GRK5: variants seen among roughly 807,000 people sequenced by gnomAD.
GRK5 encodes the protein G protein-coupled receptor kinase 5.
In GRK5, 40 loss-of-function variants were observed where a neutral mutation model predicts 78.4. The observed-to-expected ratio is 0.51, with a 90% confidence interval of 0.40 to 0.66. GRK5 has a LOEUF of 0.66. GRK5 is among the 30% of genes least tolerant of loss of function. GRK5 has a pLI of 0.00. For synonymous variants in GRK5, 289 were observed against 296.8 expected (o/e 0.97, Z 0.27); for missense variants, 598 against 759.9 (o/e 0.79, Z 2.50).
Position 119,455,000 on chromosome 10 carries a change from C to A in GRK5, c.1706C>A (p.Ser569Tyr). ...AACAATTCCAAGAGTTCGCCCAGCT[C>A]CAAGACCAGTTTTAACCACCACATA... ...HQNNSKSSPS[S>Y]KTSFNHHINS... The change falls in exon 16 of 16, where the codon TCC becomes TAC. Residue 569 changes from serine to tyrosine, a missense_variant. Transcript: ENST00000392870. The A allele has an allele frequency of 6.2e-7, 1 of 1,614,120 alleles. No individual in the cohort carries two copies. The highest frequency in any genetic ancestry group is 8.5e-7 in the Non-Finnish European group (1 of 1,179,968).
At chr10:119,295,238 A>C (rs1850060467) in intron 1 of GRK5, among the ~76,000 whole-genome samples, 1 of 150,356 alleles carries the variant, frequency 6.7e-6, no homozygotes, top group African/African-American at 2.4e-5. Context: ...CCATCAGATC[A>C]CAGGCATCTT....
intron 1 of GRK5, among the ~76,000 whole-genome samples, chr10:119,282,975 C>A (rs571910542): frequency 2.6e-5 from 4 of 152,338 alleles, no homozygotes; most frequent in Non-Finnish European, 4.4e-5. Flanking sequence ...TACTGTGTCA[C>A]TGGGGCCTGG....
chr10:119,451,563 A>C (rs989808975), intron 13 of GRK5, among the ~76,000 whole-genome samples: 1 of 152,202 alleles, frequency 6.6e-6, no homozygotes, highest in Non-Finnish European at 1.5e-5. Context: ...GCTTCCAGCT[A>C]AAAGTCCGCT....
intron 1 of GRK5, among the ~76,000 whole-genome samples, chr10:119,218,074 T>TTGTG (rs59742803): frequency 0.02 from 2,889 of 146,570 alleles, 62 homozygotes; most frequent in African/African-American, 0.058. Context: ...GTCAACCCGT[T>TTGTG]TGTGTGTGTG....
At chr10:119,382,313 C>T (rs1320409202) in intron 3 of GRK5, among the ~76,000 whole-genome samples, 4 of 151,908 alleles carry the variant, frequency 2.6e-5, no homozygotes, top group East Asian at 1.9e-4. Context: ...CTTAGCTGGG[C>T]GTTAGAAACA....
At chr10:119,375,643 G>A (rs1166446256) in intron 2 of GRK5, among the ~76,000 whole-genome samples, 2 of 152,254 alleles carry the variant, frequency 1.3e-5, no homozygotes, top group Non-Finnish European at 2.9e-5. Flanking sequence ...CCTTGCTAAA[G>A]GGACTGCCTG....
At chr10:119,380,768 C>T in intron 2 of GRK5, 47 bp from the exon 3 acceptor site, 1 of 1,204,086 alleles carries the variant, frequency 8.3e-7, no homozygotes. Flanking sequence ...AAGGCCCTGC[C>T]TGGCCTTCTC....
chr10:119,425,533 G>A (rs1852661827), intron 6 of GRK5, among the ~76,000 whole-genome samples: 1 of 152,164 alleles, frequency 6.6e-6, no homozygotes, highest in Admixed American at 6.5e-5. Context: ...TACATCCAGA[G>A]AAATTCCTAG....
Position 119,424,981 on chromosome 10 carries a change from C to T in GRK5, c.441-12C>T, listed in dbSNP as rs1212508618. Reference sequence around the variant, plus strand: ...TTATAAAATGTTCATCCTCTTGTTCCATCTGCACTAGGTCTGTCCACGAGT... The same window carrying T: ...TTATAAAATGTTCATCCTCTTGTTCTATCTGCACTAGGTCTGTCCACGAGT... On this transcript the variant is annotated splice_polypyrimidine_tract_variant and intron_variant, in intron 5 of 15. Transcript: ENST00000392870. The T allele has an allele frequency of 1.3e-6, 2 of 1,568,484 alleles. No homozygotes were observed. Among genetic ancestry groups the T allele is most frequent in the Non-Finnish European group, 1.8e-6 (2 of 1,138,500 alleles).
chr10:119,272,245 G>A (rs1849593854), intron 1 of GRK5, among the ~76,000 whole-genome samples: 1 of 152,210 alleles, frequency 6.6e-6, no homozygotes. Flanking sequence ...GAGCTTGGAT[G>A]TGTTACTTGT....
At chr10:119,370,039 G>A (rs566678662) in intron 2 of GRK5, among the ~76,000 whole-genome samples, 1 of 152,290 alleles carries the variant, frequency 6.6e-6, no homozygotes, top group East Asian at 1.9e-4. Context: ...TCATGGTGAT[G>A]GTATAGTCCA....
rs74900117 is a variant in GRK5 at position 119,447,392 on chromosome 10, C to T, written c.1267-731C>T. On this transcript the variant is annotated intron_variant, in intron 12 of 15. Transcript: ENST00000392870. ...CCCTCCCCTTGACCCATCTCTGCAC[C>T]CTCCTCCCGCTTTCTAAGTCAAACG... 7.0e-3 allele frequency among the ~76,000 whole-genome samples: 1,069 copies of T among 152,258 alleles called. 11 individuals carry two copies. Among genetic ancestry groups the T allele is most frequent in the African/African-American group, 0.02 (839 of 41,540 alleles).
At chr10:119,214,833 A>G (rs1024604160) in intron 1 of GRK5, among the ~76,000 whole-genome samples, 1 of 152,146 alleles carries the variant, frequency 6.6e-6, no homozygotes, top group South Asian at 2.1e-4. Context: ...CACTGTTTTT[A>G]TGAAGGTCTG....
intron 9 of GRK5, among the ~76,000 whole-genome samples, chr10:119,438,630 G>T (rs533497107): frequency 6.6e-6 from 1 of 152,030 alleles, no homozygotes; most frequent in Non-Finnish European, 1.5e-5. Flanking sequence ...GTTCCAGCTC[G>T]TCTTCTTCCG....
At chr10:119,274,030 A>G (rs868808382) in intron 1 of GRK5, among the ~76,000 whole-genome samples, 2 of 152,340 alleles carry the variant, frequency 1.3e-5, no homozygotes, top group African/African-American at 2.4e-5. Flanking sequence ...ATAGGCGTCA[A>G]CTACCGCGCC....
Position 119,207,756 on chromosome 10 carries a change from C to G in GRK5, c.-162C>G. ...CGGCTCCTCTTTGCAGAGGGGGAAA[C>G]TCTTGGGCTGAGAGCAGGAATAATG... On this transcript the variant is annotated 5_prime_UTR_variant, in exon 1 of 16. Coordinates refer to ENST00000392870, the MANE Select transcript of GRK5 (RefSeq NM_005308.3). 1.5e-6 allele frequency: 1 copy of G among 661,604 alleles called. No individual in the cohort carries two copies. The highest frequency in any genetic ancestry group is 2.5e-6 in the Non-Finnish European group (1 of 407,900). The allele number at this position is 661,604 out of a possible 1,614,324, so 41.0% of individuals were successfully genotyped here. A position where few individuals can be genotyped will look rare whatever the true frequency, so the allele number is the denominator to read the frequency against.
intron 1 of GRK5, among the ~76,000 whole-genome samples, chr10:119,303,555 G>A (rs565657265): frequency 1.3e-5 from 2 of 152,180 alleles, no homozygotes; most frequent in South Asian, 2.1e-4. Context: ...TAGTGGTTGT[G>A]GGGGAGTCAC....
At chr10:119,448,457 A>G (rs1412277273) in intron 13 of GRK5, among the ~76,000 whole-genome samples, 197 bp downstream of exon 13, 1 of 152,244 alleles carries the variant, frequency 6.6e-6, no homozygotes, top group Non-Finnish European at 1.5e-5. Context: ...GGCGTGGGCC[A>G]GGGAGCCCAC....
chr10:119,391,157 C>T (rs1048922021), intron 3 of GRK5, among the ~76,000 whole-genome samples: 1 of 152,262 alleles, frequency 6.6e-6, no homozygotes, highest in Non-Finnish European at 1.5e-5. Flanking sequence ...TCCATCCCAT[C>T]TATTGCCCTA....
Sources: gnomAD v4.1 joint callset for allele counts (sites outside exome capture counted in the v4.1 genomes callset) on GRCh38, gnomAD v4.1.1 for gene constraint, MANE v1.5 for transcripts, NCBI Gene and HGNC (gene_info 2026-07-23, HGNC 2026-07-21) for gene names.